The following NIPBL variants were observed in gnomAD, a reference collection of about 807,000 sequenced individuals.
NIPBL encodes NIPBL cohesin loading factor.
A neutral mutation model predicts 321.8 loss-of-function variants in NIPBL; 19 were observed. That is an observed-to-expected ratio of 0.06 (90% CI 0.04 to 0.09). The LOEUF is 0.09. NIPBL is among the 10% of genes least tolerant of loss of function. The probability of loss-of-function intolerance (pLI) is 1.00; values close to 1 mark genes in which losing one functional copy is unlikely to be tolerated. For synonymous variants in NIPBL, 1,106 were observed against 1,114.1 expected (o/e 0.99, Z 0.14); for missense variants, 2,210 against 3,327.0 (o/e 0.66, Z 8.26).
intron 1 of NIPBL, among the ~76,000 whole-genome samples, chr5:36,930,417 C>G (rs990896804): frequency 6.6e-6 from 1 of 151,898 alleles, no homozygotes; most frequent in Non-Finnish European, 1.5e-5. Flanking sequence ...TGTGATCTAG[C>G]TGAGCTTTTT....
At chr5:37,045,912 T>C (rs1752931403) in intron 37 of NIPBL, among the ~76,000 whole-genome samples, 197 bp from the exon 38 acceptor site, 1 of 152,242 alleles carries the variant, frequency 6.6e-6, no homozygotes, top group Admixed American at 6.5e-5. Context: ...TGCACTGATT[T>C]ACATTCCGAA....
rs1746122806 is a variant in NIPBL at position 36,996,151 on chromosome 5, G to C, written c.3304+347G>C. On this transcript the variant is annotated intron_variant, in intron 11 of 46. Coordinates refer to ENST00000282516, the MANE Select transcript of NIPBL (RefSeq NM_133433.4). This position sits in a 1 kb window ranked among gnomAD's most constrained non-coding sequence, Gnocchi z 5.0. ...CTTCAAAGAGCCTTCAGTCTAATGG[G>C]GGAAATATGTAAATAAATAATTGCA... is the stretch of plus-strand genomic sequence containing the variant. 6.6e-6 allele frequency among the ~76,000 whole-genome samples: 1 copy of C among 152,046 alleles called. No individual in the cohort carries two copies. The highest frequency in any genetic ancestry group is 1.5e-5 in the Non-Finnish European group (1 of 68,008).
intron 34 of NIPBL, among the ~76,000 whole-genome samples, chr5:37,041,045 G>T (rs1041707666): frequency 6.6e-6 from 1 of 150,558 alleles, no homozygotes; most frequent in African/African-American, 2.4e-5. Flanking sequence ...TTTTAGGAGA[G>T]CTCTTTATTT....
chr5:37,037,716 G>A (rs1198330630), intron 33 of NIPBL, among the ~76,000 whole-genome samples: 2 of 149,508 alleles, frequency 1.3e-5, no homozygotes, highest in Admixed American at 1.3e-4. Flanking sequence ...TGGAATTTAG[G>A]GGTGATACTG....
At chr5:37,064,402 CA>C (rs1755173675) in intron 46 of NIPBL, 124 bp from the exon 47 acceptor site, 2 of 1,545,784 alleles carry the variant, frequency 1.3e-6, no homozygotes, top group East Asian at 4.7e-5. Context: ...TCATTGCCGG[CA>C]ATGGAAGTGT....
chr5:37,037,409 GTA>G lies in NIPBL; in HGVS notation c.5971+938_5971+939del, dbSNP rs759202070. 1.0e-3 allele frequency among the ~76,000 whole-genome samples: 143 copies of G among 140,142 alleles called. No individual in the cohort carries two copies. In the South Asian group the frequency reaches 0.011, roughly 11 times the overall value. The allele number at this position is 140,142 out of a possible 152,430, so 91.9% of individuals were successfully genotyped here. A position where few individuals can be genotyped will look rare whatever the true frequency, so the allele number is the denominator to read the frequency against. ...TCTCAAAAAATATATATATATATATGTATATATATATATATATGTATATATAG... is the reference window on the plus strand; with the variant it reads ...TCTCAAAAAATATATATATATATATGTATATATATATATATGTATATATAG... On this transcript the variant is annotated intron_variant, in intron 33 of 46. Transcript: ENST00000282516.
In NIPBL at chr5:36,876,956, C is replaced by G; in HGVS notation, c.-302C>G. The G allele has an allele frequency of 2.5e-6, 1 of 395,092 alleles. No individual in the cohort carries two copies. The highest frequency in any genetic ancestry group is 4.5e-6 in the Non-Finnish European group (1 of 223,838). 24.5% of individuals were successfully genotyped at this position (395,092 alleles called of 1,614,324 possible). A position where few individuals can be genotyped will look rare whatever the true frequency, so the allele number is the denominator to read the frequency against. Reference sequence around the variant, plus strand: ...GCGATGCCCCCCCGGTAGCTCGGGCCCGTGGTCGGGTGTTTGTGAGTGTTT... The same window carrying G: ...GCGATGCCCCCCCGGTAGCTCGGGCGCGTGGTCGGGTGTTTGTGAGTGTTT... On this transcript the variant is annotated 5_prime_UTR_variant, in exon 1 of 47. Transcript: ENST00000282516.
chr5:36,947,722 G>A (rs958362605), intron 1 of NIPBL, among the ~76,000 whole-genome samples: 1 of 151,716 alleles, frequency 6.6e-6, no homozygotes, highest in Non-Finnish European at 1.5e-5. Flanking sequence ...GTATTTTCCT[G>A]AATCATAAAG....
intron 24 of NIPBL, 25 bp downstream of exon 24, chr5:37,017,187 A>T: frequency 6.4e-7 from 1 of 1,574,706 alleles, no homozygotes; most frequent in Non-Finnish European, 8.7e-7. Context: ...GATTAAAATT[A>T]TGGGAATGAA....
intron 1 of NIPBL, among the ~76,000 whole-genome samples, chr5:36,902,056 C>T (rs1747274268): frequency 6.7e-6 from 1 of 150,164 alleles, no homozygotes; most frequent in South Asian, 2.1e-4. Flanking sequence ...TGTATGTTTT[C>T]TTTTGAGAAG....
intron 30 of NIPBL, 95 bp from the exon 31 acceptor site, chr5:37,026,134 A>G (rs879901459): frequency 9.6e-6 from 7 of 732,470 alleles, no homozygotes; most frequent in Non-Finnish European, 1.5e-5. Flanking sequence ...TTGATTAGTT[A>G]TTTATAGCTT....
rs1428661692 is a variant in NIPBL, at chr5:36,971,012, C to T, written c.747C>T (p.His249=). 4 of 1,613,348 alleles carry T rather than the reference C, an allele frequency of 2.5e-6. No homozygotes were observed. The highest frequency in any genetic ancestry group is 2.2e-5 in the East Asian group (1 of 44,840). ...ATGGTTCAAGTGAGGACTACCTACACATGGTGCACAGGCTAAGTAGTGACG... is the reference window on the plus strand; with the variant it reads ...ATGGTTCAAGTGAGGACTACCTACATATGGTGCACAGGCTAAGTAGTGACG... The part of the protein sequence containing the change: ...PRHGSSEDYL[H]MVHRLSSDDG... The change falls in exon 7 of 47, where the codon CAC becomes CAT. Residue 249 remains histidine, a synonymous_variant. Coordinates refer to ENST00000282516, the MANE Select transcript of NIPBL (RefSeq NM_133433.4).
intron 32 of NIPBL, among the ~76,000 whole-genome samples, chr5:37,029,533 G>T (rs563849575): frequency 6.6e-6 from 1 of 152,154 alleles, no homozygotes; most frequent in Non-Finnish European, 1.5e-5. Context: ...GAATATTGGT[G>T]TGTAAGGTTT....
chr5:36,948,107 C>T (rs1290230454), intron 1 of NIPBL, among the ~76,000 whole-genome samples: 1 of 151,888 alleles, frequency 6.6e-6, no homozygotes, highest in East Asian at 1.9e-4. Flanking sequence ...TCTTTTCTCC[C>T]TCTGAAATAT....
At chr5:37,048,410 G>A in intron 38 of NIPBL, 92 bp from the exon 39 acceptor site, 1 of 744,830 alleles carries the variant, frequency 1.3e-6, no homozygotes. Flanking sequence ...TTTGAAATAA[G>A]GAGCCGTTTA....
chr5:37,033,695 C>CAT (rs1751340579), intron 32 of NIPBL, among the ~76,000 whole-genome samples: 1 of 67,206 alleles, frequency 1.5e-5, no homozygotes, highest in South Asian at 5.6e-4. Context: ...TACACACACA[C>CAT]ACACACACAC....
chr5:36,924,037 T>C (rs1425575825), intron 1 of NIPBL, among the ~76,000 whole-genome samples: 2 of 152,186 alleles, frequency 1.3e-5, no homozygotes, highest in South Asian at 4.1e-4. Flanking sequence ...TCCACTAAGA[T>C]CTGTTATTAT....
In NIPBL at chr5:36,972,021, G is replaced by C; in HGVS notation, c.848G>C (p.Gly283Ala). The C allele has an allele frequency of 6.2e-7, 1 of 1,612,232 alleles. No homozygotes were observed. The change falls in exon 8 of 47, where the codon GGA becomes GCA. Residue 283 changes from glycine to alanine, a missense_variant. Gly to Ala is a moderately conservative substitution (Grantham distance 60). Transcript: ENST00000282516. ...CCACAGCCAGTATGCTCCCCTGCTGGAAGTGAAGGAACTCCTAAAGGTACT... is the reference window on the plus strand; with the variant it reads ...CCACAGCCAGTATGCTCCCCTGCTGCAAGTGAAGGAACTCCTAAAGGTACT... ...RSPQPVCSPA[G>A]SEGTPKGSRP...
chr5:37,065,941 C>T lies in NIPBL; in HGVS notation c.*1049C>T, dbSNP rs765567373. On this transcript the variant is annotated 3_prime_UTR_variant, in exon 47 of 47. Transcript: ENST00000282516. ...CATTTCTCTTGGTTAAAATGATGTC[C>T]GGTTATTTTAGAACTAGAGTTGAGA... is the stretch of plus-strand genomic sequence containing the variant. 5 of 152,306 alleles carry T rather than the reference C, an allele frequency of 3.3e-5. No homozygotes were observed. The highest frequency in any genetic ancestry group is 7.4e-5 in the Non-Finnish European group (5 of 67,972). The allele number at this position is 152,306 out of a possible 1,614,324, so 9.4% of individuals were successfully genotyped here.
Sources: allele counts gnomAD v4.1 joint callset (sites outside exome capture counted in the v4.1 genomes callset), GRCh38; gene constraint gnomAD v4.1.1; non-coding constraint Gnocchi (gnomAD v3.1); transcripts MANE v1.5; gene names NCBI Gene and HGNC (gene_info 2026-07-23, HGNC 2026-07-21).